FGF14: variants seen among roughly 807,000 people sequenced by gnomAD.
FGF14 encodes fibroblast growth factor 14.
In FGF14, 5 loss-of-function variants were observed where a neutral mutation model predicts 25.5. The observed-to-expected ratio is 0.20, with a 90% CI of 0.10 to 0.41. The LOEUF is 0.41. Ranked by LOEUF, FGF14 falls within the 10% of genes least tolerant of loss-of-function variation. FGF14 has a pLI of 1.00. For synonymous variants in FGF14, 138 were observed against 118.3 expected (o/e 1.17, Z -1.08); for missense variants, 222 against 320.1 (o/e 0.69, Z 2.34).
chr13:101,875,602 C>T (rs567882662), intron 1 of FGF14, among the ~76,000 whole-genome samples: 12 of 152,006 alleles, frequency 7.9e-5, no homozygotes, highest in South Asian at 2.1e-4. Context: ...AAACTATAAA[C>T]GAATTATTAT....
rs1034834457 is a variant in FGF14 at position 101,726,697 on chromosome 13, T to C, written c.522A>G (p.Gly174=). 4 of 1,613,540 alleles carry C rather than the reference T, an allele frequency of 2.5e-6. No homozygotes were observed. The highest frequency in any genetic ancestry group is 3.4e-6 in the Non-Finnish European group (4 of 1,179,662). The change falls in exon 4 of 5, where the codon GGA becomes GGG. Residue 174 remains glycine, a synonymous_variant. Transcript: ENST00000376143. ...QQESGRAWFL[G]LNKEGQAMKG... Reference sequence around the variant, plus strand: ...TCATAGCTTGCCCTTCCTTATTTAATCCCAAAAACCAGGCTCTACCAGATT... The same window carrying C: ...TCATAGCTTGCCCTTCCTTATTTAACCCCAAAAACCAGGCTCTACCAGATT...
At chr13:102,308,935 CA>C (rs1227613831) in intron 1 of FGF14, among the ~76,000 whole-genome samples, 2 of 101,554 alleles carry the variant, frequency 2.0e-5, no homozygotes, top group African/African-American at 9.5e-5. Flanking sequence ...AAAAAAAAAA[CA>C]CAAAAAAAAC....
chr13:101,959,301 C>T (rs773217675), intron 1 of FGF14, among the ~76,000 whole-genome samples: 2 of 152,100 alleles, frequency 1.3e-5, no homozygotes, highest in Non-Finnish European at 2.9e-5. Flanking sequence ...GGAACCTCTG[C>T]TCTAATAGTT....
chr13:102,030,760 GC>G (rs2041169610), intron 1 of FGF14, among the ~76,000 whole-genome samples: 1 of 152,008 alleles, frequency 6.6e-6, no homozygotes, highest in African/African-American at 2.4e-5. Flanking sequence ...GGGAGAAGGA[GC>G]TACAAACCTC....
At chr13:102,347,539 G>C (rs891993726) in intron 1 of FGF14, among the ~76,000 whole-genome samples, 6 of 152,166 alleles carry the variant, frequency 3.9e-5, no homozygotes, top group African/African-American at 9.7e-5. Context: ...GAAGTGTGCA[G>C]AGTGGGAGGG....
At chr13:101,748,580 A>T (rs538060601) in intron 3 of FGF14, among the ~76,000 whole-genome samples, 1 of 151,946 alleles carries the variant, frequency 6.6e-6, no homozygotes, top group Non-Finnish European at 1.5e-5. Flanking sequence ...CAGCCATGTA[A>T]AAAAACAGCA....
intron 1 of FGF14, among the ~76,000 whole-genome samples, chr13:102,353,483 C>T (rs1278485674): frequency 4.6e-5 from 7 of 152,184 alleles, no homozygotes; most frequent in Non-Finnish European, 2.9e-5. Flanking sequence ...AAAGCTTTAC[C>T]ACAATGTCCT....
chr13:101,903,481 A>G (rs1178977640), intron 1 of FGF14, among the ~76,000 whole-genome samples: 1 of 152,210 alleles, frequency 6.6e-6, no homozygotes, highest in Non-Finnish European at 1.5e-5. Flanking sequence ...TGTCTGGAAG[A>G]ATCGAGTTCT....
intron 1 of FGF14, among the ~76,000 whole-genome samples, chr13:102,038,950 G>T (rs2041603755): frequency 6.6e-6 from 1 of 152,108 alleles, no homozygotes; most frequent in Non-Finnish European, 1.5e-5. Flanking sequence ...TGCTGAGTAT[G>T]TACTGTACCA....
At chr13:102,073,251 C>CA (rs1435318087) in intron 1 of FGF14, among the ~76,000 whole-genome samples, 2 of 152,032 alleles carry the variant, frequency 1.3e-5, no homozygotes, top group East Asian at 1.9e-4. Context: ...AGCTCCATCT[C>CA]AAAAAAATTA....
chr13:101,782,121 GT>G (rs1566894209), intron 3 of FGF14, among the ~76,000 whole-genome samples: 1 of 152,150 alleles, frequency 6.6e-6, no homozygotes, highest in East Asian at 1.9e-4. Context: ...CTCACTTTGA[GT>G]TTTTTTCGTT....
At chr13:101,730,591 AGT>A (rs2035741372) in intron 3 of FGF14, among the ~76,000 whole-genome samples, 1 of 152,226 alleles carries the variant, frequency 6.6e-6, no homozygotes, top group African/African-American at 2.4e-5. Context: ...TGCTCTTGAG[AGT>A]AATTGCACAG....
intron 1 of FGF14, among the ~76,000 whole-genome samples, chr13:102,195,370 C>T (rs1278729175): frequency 6.6e-6 from 1 of 152,022 alleles, no homozygotes; most frequent in Non-Finnish European, 1.5e-5. Context: ...AAAAGTAGAG[C>T]TATGTAGCAG....
At chr13:102,240,241 T>C (rs1368196430) in intron 1 of FGF14, among the ~76,000 whole-genome samples, 2 of 152,156 alleles carry the variant, frequency 1.3e-5, no homozygotes, top group Non-Finnish European at 2.9e-5. Flanking sequence ...ATAAAATATC[T>C]CTATATATAG....
chr13:101,748,563 T>G (rs1028296077), intron 3 of FGF14, among the ~76,000 whole-genome samples: 1 of 151,618 alleles, frequency 6.6e-6, no homozygotes, highest in African/African-American at 2.4e-5. Flanking sequence ...TTTACCACTA[T>G]ACAATACAGC....
chr13:102,083,700 T>A (rs1164058009), intron 1 of FGF14, among the ~76,000 whole-genome samples: 2 of 152,266 alleles, frequency 1.3e-5, no homozygotes, highest in Non-Finnish European at 2.9e-5. Context: ...TACCTGCATT[T>A]GCAATCTCCC....
intron 1 of FGF14, among the ~76,000 whole-genome samples, chr13:102,378,574 T>A (rs1445024572): frequency 6.6e-6 from 1 of 150,912 alleles, no homozygotes; most frequent in Non-Finnish European, 1.5e-5. Context: ...AGGTTTTACA[T>A]TAAGTATGTT....
At chr13:102,054,353 A>C (rs1252108560) in intron 1 of FGF14, among the ~76,000 whole-genome samples, 1 of 152,188 alleles carries the variant, frequency 6.6e-6, no homozygotes, top group Non-Finnish European at 1.5e-5. Context: ...TAGTGGACAT[A>C]ATGTTTAGAC....
At chr13:102,165,844 C>T (rs1357477726) in intron 1 of FGF14, among the ~76,000 whole-genome samples, 1 of 151,006 alleles carries the variant, frequency 6.6e-6, no homozygotes, top group Non-Finnish European at 1.5e-5. Context: ...AAAGTAGATT[C>T]CTGGTTGCCA....
Sources: allele counts gnomAD v4.1 joint callset (sites outside exome capture counted in the v4.1 genomes callset), GRCh38; gene constraint gnomAD v4.1.1; transcripts MANE v1.5; gene names NCBI Gene and HGNC (gene_info 2026-07-23, HGNC 2026-07-21).